Variants in ATRNL1 observed in about 807,000 individuals in gnomAD.
ATRNL1 encodes attractin like 1.
ATRNL1 carries 95 observed loss-of-function variants against 182.7 expected under a neutral mutation model. That is an observed-to-expected ratio of 0.52 (90% CI 0.44 to 0.62). The LOEUF is 0.62. ATRNL1 is among the 20% of genes least tolerant of loss of function. The pLI is 0.00. For missense variants in ATRNL1, 1,471 were observed against 1,679.5 expected (o/e 0.88, Z 2.17); for synonymous variants, 576 against 568.3 (o/e 1.01, Z -0.19).
At chr10:115,564,262 T>C (rs1282238583) in intron 26 of ATRNL1, among the ~76,000 whole-genome samples, 1 of 151,970 alleles carries the variant, frequency 6.6e-6, no homozygotes, top group Non-Finnish European at 1.5e-5. Flanking sequence ...ACTATTATAG[T>C]ATATTAATTA....
intron 15 of ATRNL1, among the ~76,000 whole-genome samples, chr10:115,292,199 C>T (rs1211775663): frequency 2.0e-5 from 3 of 151,740 alleles, no homozygotes; most frequent in African/African-American, 7.3e-5. Flanking sequence ...ATTTTAATGT[C>T]TCCTGAATTT....
intron 27 of ATRNL1, among the ~76,000 whole-genome samples, chr10:115,818,704 C>T (rs1950224303): frequency 6.6e-6 from 1 of 152,086 alleles, no homozygotes; most frequent in Non-Finnish European, 1.5e-5. Context: ...CTCACACTAC[C>T]AGGAATCTCC....
At chr10:115,749,185 A>C (rs1274957560) in intron 27 of ATRNL1, among the ~76,000 whole-genome samples, 1 of 151,876 alleles carries the variant, frequency 6.6e-6, no homozygotes, top group Non-Finnish European at 1.5e-5. Context: ...TCAACTTTTT[A>C]AATATAAGAA....
chr10:115,485,787 A>G (rs1848990787), intron 24 of ATRNL1, among the ~76,000 whole-genome samples: 1 of 152,092 alleles, frequency 6.6e-6, no homozygotes, highest in Non-Finnish European at 1.5e-5. Flanking sequence ...GTACATGTGC[A>G]GAATGTGCAG....
chr10:115,435,107 C>T (rs1317206720), intron 21 of ATRNL1, among the ~76,000 whole-genome samples: 7 of 150,894 alleles, frequency 4.6e-5, no homozygotes, highest in African/African-American at 1.5e-4. Flanking sequence ...CTGCAAGCTC[C>T]GCCTCCTGGG....
At chr10:115,701,462 T>C (rs1946734068) in intron 26 of ATRNL1, among the ~76,000 whole-genome samples, 1 of 151,928 alleles carries the variant, frequency 6.6e-6, no homozygotes, top group South Asian at 2.1e-4. Context: ...AGAGCATAGC[T>C]GAATAAAGTT....
chr10:115,501,327 G>C (rs1230648397), intron 24 of ATRNL1, among the ~76,000 whole-genome samples: 2 of 152,038 alleles, frequency 1.3e-5, no homozygotes, highest in Non-Finnish European at 2.9e-5. Flanking sequence ...GAGGTTTCAG[G>C]ATAAACTTGG....
chr10:115,281,565 A>G, intron 14 of ATRNL1, 78 bp downstream of exon 14: 1 of 1,376,766 alleles, frequency 7.3e-7, no homozygotes, highest in Non-Finnish European at 1.0e-6. Context: ...TTTAGTAAGG[A>G]CACTACATTT....
At chr10:115,393,712 A>G (rs1844147282) in intron 19 of ATRNL1, among the ~76,000 whole-genome samples, 1 of 152,144 alleles carries the variant, frequency 6.6e-6, no homozygotes, top group Non-Finnish European at 1.5e-5. Flanking sequence ...AAAGTGGATG[A>G]CAATACTTTG....
At chr10:115,464,809 A>G (rs782583339) in intron 22 of ATRNL1, among the ~76,000 whole-genome samples, 1 of 151,044 alleles carries the variant, frequency 6.6e-6, no homozygotes, top group African/African-American at 2.4e-5. Context: ...ACTTTCATAA[A>G]AAAGTGACTT....
intron 27 of ATRNL1, among the ~76,000 whole-genome samples, chr10:115,822,008 A>G (rs1416335334): frequency 1.3e-5 from 2 of 152,222 alleles, no homozygotes; most frequent in Non-Finnish European, 2.9e-5. Context: ...CACTTATTCT[A>G]AAGTTGACCA....
chr10:115,371,702 G>A (rs782070493), intron 19 of ATRNL1, among the ~76,000 whole-genome samples: 8 of 152,096 alleles, frequency 5.3e-5, no homozygotes, highest in African/African-American at 9.7e-5. Flanking sequence ...TCCTTGTCTC[G>A]GATGAGACTG....
At chr10:115,268,166 T>C (rs985552950) in intron 12 of ATRNL1, among the ~76,000 whole-genome samples, 160 bp from the exon 13 acceptor site, 1 of 152,166 alleles carries the variant, frequency 6.6e-6, no homozygotes, top group East Asian at 1.9e-4. Context: ...ACTACAAAAG[T>C]TGTCTTAATC....
chr10:115,842,128 A>G (rs200333148), intron 27 of ATRNL1, among the ~76,000 whole-genome samples: 2 of 44,740 alleles, frequency 4.5e-5, no homozygotes, highest in Non-Finnish European at 1.3e-4. Context: ...TATTTCACTC[A>G]TATATCAGAT....
chr10:115,925,360 A>C (rs1953194959), intron 28 of ATRNL1, among the ~76,000 whole-genome samples: 2 of 152,166 alleles, frequency 1.3e-5, no homozygotes, highest in South Asian at 4.1e-4. Context: ...ACTAGTGTGC[A>C]AAATAACCAG....
intron 28 of ATRNL1, among the ~76,000 whole-genome samples, chr10:115,935,892 A>G (rs1336741224): frequency 6.6e-6 from 1 of 152,182 alleles, no homozygotes; most frequent in Non-Finnish European, 1.5e-5. Context: ...TAGTGAGTGG[A>G]CAACACATGT....
At chr10:115,615,089 T>TA (rs1857364643) in intron 26 of ATRNL1, among the ~76,000 whole-genome samples, 1 of 152,164 alleles carries the variant, frequency 6.6e-6, no homozygotes, top group African/African-American at 2.4e-5. Context: ...GATTATTGTG[T>TA]ATATCCTTTG....
chr10:115,827,080 A>G (rs78862034), intron 27 of ATRNL1, among the ~76,000 whole-genome samples: 2,476 of 152,248 alleles, frequency 0.016, 83 homozygotes, highest in African/African-American at 0.057. Context: ...CCTTTGCAAA[A>G]CTGGATGGGA....
chr10:115,595,699 A>G (rs1433331234), intron 26 of ATRNL1, among the ~76,000 whole-genome samples: 2 of 152,182 alleles, frequency 1.3e-5, no homozygotes, highest in African/African-American at 4.8e-5. Flanking sequence ...GAAAATAGCA[A>G]TATGGCAGTT....
Sources: gnomAD v4.1 joint callset for allele counts (sites outside exome capture counted in the v4.1 genomes callset) on GRCh38, gnomAD v4.1.1 for gene constraint, MANE v1.5 for transcripts, NCBI Gene and HGNC (gene_info 2026-07-23, HGNC 2026-07-21) for gene names.